The following TRAK2 variants were observed in gnomAD, a reference collection of about 807,000 sequenced individuals.
TRAK2 encodes trafficking kinesin-binding protein 2.
TRAK2 carries 81 observed loss-of-function variants against 104.6 expected under a neutral mutation model. The ratio of observed to expected loss-of-function variants is 0.77; its 90% CI spans 0.65 to 0.93. The LOEUF (loss-of-function observed/expected upper bound fraction) is 0.93. TRAK2 is among the 40% of genes least tolerant of loss of function. The pLI is 0.00. For synonymous variants in TRAK2, 406 were observed against 394.4 expected (o/e 1.03, Z -0.35); for missense variants, 1,002 against 1,089.0 (o/e 0.92, Z 1.12).
chr2:201,386,120 C>A, intron 14 of TRAK2, 98 bp downstream of exon 14: 1 of 1,294,066 alleles, frequency 7.7e-7, no homozygotes, highest in South Asian at 1.3e-5. Context: ...AGATTAAGTA[C>A]CCTCCAGTGA....
intron 12 of TRAK2, 141 bp downstream of exon 12, chr2:201,389,159 T>C (rs1951420297): frequency 2.4e-6 from 2 of 821,090 alleles, no homozygotes; most frequent in East Asian, 2.5e-5. Flanking sequence ...TGAATAATGA[T>C]ACAAGGCATC....
At chr2:201,405,620 C>T (rs140036799) in intron 3 of TRAK2, among the ~76,000 whole-genome samples, 5 of 152,324 alleles carry the variant, frequency 3.3e-5, no homozygotes, top group African/African-American at 1.2e-4. Flanking sequence ...AACTAAAGGG[C>T]ACTTTCTGTG....
Position 201,386,343 on chromosome 2 carries a change from T to C in TRAK2, c.1838A>G (p.Asp613Gly), listed in dbSNP as rs1451583319. 1 of 1,614,122 alleles carries C rather than the reference T, an allele frequency of 6.2e-7. No homozygotes were observed. The highest frequency in any genetic ancestry group is 8.5e-7 in the Non-Finnish European group (1 of 1,180,016). Residue 613 changes from aspartate (D) to glycine (G), a missense_variant, in exon 14 of 16, where the codon GAT becomes GGT. By Grantham distance (94) the Asp-to-Gly change is moderately conservative. Coordinates refer to ENST00000332624, the MANE Select transcript of TRAK2 (RefSeq NM_015049.3). Reference protein sequence around the residue: ...AIYHISDLEEDEEEGITFQVQ... With the variant: ...AIYHISDLEEGEEEGITFQVQ... ...CTGAAAAGTAATACCCTCCTCTTCA[T>C]CCTCTTCTAAATCTGAGATGTGATA...
At chr2:201,387,542 T>C (rs574094311) in intron 13 of TRAK2, among the ~76,000 whole-genome samples, 161 bp downstream of exon 13, 1 of 152,194 alleles carries the variant, frequency 6.6e-6, no homozygotes, top group Non-Finnish European at 1.5e-5. Flanking sequence ...TCATTAATTT[T>C]CCACAAAGTA....
chr2:201,430,827 C>T (rs1257419513), intron 1 of TRAK2, among the ~76,000 whole-genome samples: 3 of 152,218 alleles, frequency 2.0e-5, no homozygotes, highest in Admixed American at 6.5e-5. Flanking sequence ...GCGGGCTGCA[C>T]CCACTGTCCA....
chr2:201,446,845 T>C (rs191801519), intron 1 of TRAK2, among the ~76,000 whole-genome samples: 8 of 152,352 alleles, frequency 5.3e-5, no homozygotes, highest in African/African-American at 1.7e-4. Context: ...AATATTCTGA[T>C]AGTTGTATAA....
chr2:201,438,952 A>G (rs907948871), intron 1 of TRAK2, among the ~76,000 whole-genome samples: 1 of 152,224 alleles, frequency 6.6e-6, no homozygotes, highest in African/African-American at 2.4e-5. Context: ...AATAATACAG[A>G]TGTATTACCA....
intron 14 of TRAK2, among the ~76,000 whole-genome samples, chr2:201,384,623 C>G (rs1003849732): frequency 6.6e-6 from 1 of 152,088 alleles, no homozygotes; most frequent in Non-Finnish European, 1.5e-5. Context: ...TTCTTTTTGA[C>G]TGGGTTGACA....
chr2:201,410,383 G>C (rs1196262649), intron 2 of TRAK2, among the ~76,000 whole-genome samples: 1 of 152,050 alleles, frequency 6.6e-6, no homozygotes, highest in African/African-American at 2.4e-5. Flanking sequence ...AACTCAACTG[G>C]TTAGAAGTCC....
At chr2:201,392,842 A>T in intron 10 of TRAK2, 67 bp downstream of exon 10, 1 of 1,482,584 alleles carries the variant, frequency 6.7e-7, no homozygotes, top group South Asian at 1.3e-5. Flanking sequence ...TAAACCATCA[A>T]ACTTTTAGGA....
At chr2:201,397,745 A>G in intron 6 of TRAK2, 165 bp from the exon 7 acceptor site, 1 of 574,002 alleles carries the variant, frequency 1.7e-6, no homozygotes, top group East Asian at 2.8e-5. Context: ...GGCCTTGGCT[A>G]AAATGATCCT....
intron 12 of TRAK2, 44 bp downstream of exon 12, chr2:201,389,256 A>G (rs1951421320): frequency 6.4e-7 from 1 of 1,554,902 alleles, no homozygotes; most frequent in African/African-American, 1.4e-5. Context: ...TGGTGCGGCA[A>G]TGTGAAAAGA....
In TRAK2 at chr2:201,412,470, C is replaced by A. The variant is rs1951656118; in HGVS notation, c.92-4873G>T. ...ATCCTAAATAACTCAACTGATCCAA[C>A]TGCCTACTGAAACTCTTATAAATGT... On this transcript the variant is annotated intron_variant, in intron 2 of 15. Coordinates refer to ENST00000332624, the MANE Select transcript of TRAK2 (RefSeq NM_015049.3). 8 of 1,159,428 alleles carry A rather than the reference C, an allele frequency of 6.9e-6. No homozygotes were observed. The Admixed American group carries it at 1.0e-4, about 15-fold the overall frequency. The allele number at this position is 1,159,428 out of a possible 1,614,324, so 71.8% of individuals were successfully genotyped here.
intron 1 of TRAK2, among the ~76,000 whole-genome samples, chr2:201,440,744 T>C (rs1180782231): frequency 1.3e-5 from 2 of 152,260 alleles, no homozygotes; most frequent in African/African-American, 2.4e-5. Context: ...TGTTCCATTA[T>C]TGGAATGCTA....
intron 1 of TRAK2, among the ~76,000 whole-genome samples, chr2:201,438,221 G>A (rs1390174920): frequency 6.6e-6 from 1 of 152,202 alleles, no homozygotes; most frequent in East Asian, 1.9e-4. Flanking sequence ...AACGAAACTA[G>A]CACTCCGAAG....
intron 14 of TRAK2, among the ~76,000 whole-genome samples, chr2:201,384,744 A>T (rs1378920160): frequency 6.6e-6 from 1 of 152,206 alleles, no homozygotes; most frequent in African/African-American, 2.4e-5. Context: ...TGCACTTGGT[A>T]TTTTTTAAAA....
intron 1 of TRAK2, among the ~76,000 whole-genome samples, chr2:201,425,928 C>T (rs548673423): frequency 2.0e-5 from 3 of 152,286 alleles, no homozygotes; most frequent in South Asian, 4.2e-4. Context: ...ACTATGCCCA[C>T]CACTCTGTTA....
At chr2:201,403,155 A>C (rs1951564049) in intron 3 of TRAK2, among the ~76,000 whole-genome samples, 1 of 152,230 alleles carries the variant, frequency 6.6e-6, no homozygotes, top group Non-Finnish European at 1.5e-5. Flanking sequence ...TACAGTGAAG[A>C]AATGTTTAGA....
At chr2:201,444,092 T>C (rs547345188) in intron 1 of TRAK2, among the ~76,000 whole-genome samples, 2 of 151,992 alleles carry the variant, frequency 1.3e-5, no homozygotes, top group Non-Finnish European at 2.9e-5. Flanking sequence ...TCCTGGCTAC[T>C]TGGGAGCCTG....
Sources: allele counts gnomAD v4.1 joint callset (sites outside exome capture counted in the v4.1 genomes callset), GRCh38; gene constraint gnomAD v4.1.1; transcripts MANE v1.5; gene names NCBI Gene and HGNC (gene_info 2026-07-23, HGNC 2026-07-21).